The following AKAP13 variants were observed in gnomAD, a reference collection of about 807,000 sequenced individuals.
The protein encoded by AKAP13 is A-kinase anchor protein 13.
A neutral mutation model predicts 264.5 loss-of-function variants in AKAP13; 80 were observed. The ratio of observed to expected loss-of-function variants is 0.30; its 90% CI spans 0.25 to 0.36. The LOEUF is 0.36. Among genes scored for constraint, AKAP13 ranks in the 10% least tolerant of loss-of-function variants. The pLI is 1.00. For synonymous variants in AKAP13, 1,380 were observed against 1,250.2 expected, an observed-to-expected ratio of 1.10 and a Z score of -2.19; for missense variants, 3,712 against 3,435.2, an observed-to-expected ratio of 1.08 and a Z score of -2.01.
intron 1 of AKAP13, among the ~76,000 whole-genome samples, chr15:85,388,635 C>T (rs1325001666): frequency 1.3e-5 from 2 of 151,986 alleles, no homozygotes; most frequent in African/African-American, 2.4e-5. Context: ...GTTTTTTCTT[C>T]TTTAGTCTGG....
intron 8 of AKAP13, chr15:85,621,162 A>AT (rs1005458591): frequency 6.6e-6 from 1 of 152,042 alleles, no homozygotes; most frequent in African/African-American, 2.4e-5. Context: ...GGTCTTTTCG[A>AT]TTTTTTTCTT....
intron 10 of AKAP13, 83 bp downstream of exon 10, chr15:85,646,037 T>C: frequency 3.3e-6 from 5 of 1,536,998 alleles, no homozygotes; most frequent in Non-Finnish European, 4.4e-6. Context: ...TCCAACTTTT[T>C]CCCCCTCTTG....
intron 1 of AKAP13, among the ~76,000 whole-genome samples, chr15:85,437,065 A>G (rs2073340929): frequency 6.8e-6 from 1 of 147,064 alleles, no homozygotes; most frequent in South Asian, 2.3e-4. Flanking sequence ...AAATTGATAG[A>G]CCACTAGCAA....
Position 85,580,587 on chromosome 15 carries a change from T to C in AKAP13, c.2519T>C (p.Leu840Pro). The change falls in exon 7 of 37, where the codon CTA (leucine) becomes CCA (proline). Residue 840 changes from leucine (L) to proline (P), a missense_variant. Transcript: ENST00000394518. Reference protein sequence around the residue: ...GNSNEPDTRPLEDRAVGLSTS... With the variant: ...GNSNEPDTRPPEDRAVGLSTS... ...TCGAATGAGCCTGATACGCGGCCAC[T>C]AGAAGACAGGGCAGTAGGCCTGTCC... The C allele has an allele frequency of 6.2e-7, 1 of 1,614,202 alleles. No homozygotes were observed. Among genetic ancestry groups the C allele is most frequent in the Non-Finnish European group, 8.5e-7 (1 of 1,180,032 alleles).
chr15:85,655,404 C>T lies in AKAP13; in HGVS notation c.4375-13C>T. ...TGCTGGCTTCAACCATATGTGCTTT[C>T]TCTCCATTACAGCCAGAGGAAGAGC... On this transcript the variant is annotated splice_polypyrimidine_tract_variant and intron_variant, in intron 10 of 36. Coordinates refer to ENST00000394518, the MANE Select transcript of AKAP13 (RefSeq NM_007200.5). The T allele has an allele frequency of 6.2e-7, 1 of 1,607,746 alleles. No individual in the cohort carries two copies. The highest frequency in any genetic ancestry group is 8.5e-7 in the Non-Finnish European group (1 of 1,175,590).
intron 1 of AKAP13, chr15:85,415,496 A>C (rs1313084494): frequency 1.3e-6 from 2 of 1,551,670 alleles, no homozygotes; most frequent in East Asian, 2.2e-5. Flanking sequence ...GCAACTTTAC[A>C]GATGGTGCAT....
At chr15:85,392,606 G>A (rs1049262477) in intron 1 of AKAP13, among the ~76,000 whole-genome samples, 7 of 152,014 alleles carry the variant, frequency 4.6e-5, no homozygotes, top group Admixed American at 1.3e-4. Context: ...AGGTTTTGCC[G>A]TGTTGCCTAG....
intron 5 of AKAP13, among the ~76,000 whole-genome samples, chr15:85,569,905 G>A (rs561658223): frequency 1.0e-3 from 154 of 151,688 alleles, no homozygotes; most frequent in African/African-American, 3.6e-3. Context: ...GTGAAACCCC[G>A]TTGCTACTAA....
chr15:85,428,386 G>A (rs1334314205), intron 1 of AKAP13, among the ~76,000 whole-genome samples: 2 of 152,122 alleles, frequency 1.3e-5, no homozygotes, highest in Non-Finnish European at 2.9e-5. Context: ...TTTAATAGAG[G>A]TGGGGTTTCT....
At chr15:85,669,641 G>T in intron 13 of AKAP13, 81 bp from the exon 14 acceptor site, 1 of 1,033,378 alleles carries the variant, frequency 9.7e-7, no homozygotes. Context: ...TACTATGTGG[G>T]TCTAATTATA....
intron 1 of AKAP13, among the ~76,000 whole-genome samples, chr15:85,431,252 C>T (rs1214504662): frequency 6.6e-6 from 1 of 152,164 alleles, no homozygotes; most frequent in East Asian, 1.9e-4. Flanking sequence ...CAAGGTGTAT[C>T]AGGAAAATCT....
intron 5 of AKAP13, among the ~76,000 whole-genome samples, chr15:85,546,673 G>T (rs951108690): frequency 1.3e-5 from 2 of 151,782 alleles, no homozygotes; most frequent in African/African-American, 2.4e-5. Context: ...AGCATTTGTT[G>T]GTGAGATTCA....
intron 3 of AKAP13, among the ~76,000 whole-genome samples, chr15:85,523,570 A>G (rs2076909621): frequency 6.6e-6 from 1 of 152,014 alleles, no homozygotes; most frequent in Non-Finnish European, 1.5e-5. Context: ...CTTCTCACAT[A>G]TATTTTACTT....
At chr15:85,734,754 A>C (rs1012164085) in intron 30 of AKAP13, among the ~76,000 whole-genome samples, 3 of 152,172 alleles carry the variant, frequency 2.0e-5, no homozygotes, top group Non-Finnish European at 4.4e-5. Flanking sequence ...TTCCCTGTAC[A>C]CTTTCAAATT....
chr15:85,639,316 G>T, intron 8 of AKAP13, 58 bp from the exon 9 acceptor site: 1 of 1,277,858 alleles, frequency 7.8e-7, no homozygotes, highest in Non-Finnish European at 1.1e-6. Flanking sequence ...TTTGGCACCT[G>T]TAAAATTATC....
intron 1 of AKAP13, among the ~76,000 whole-genome samples, chr15:85,416,018 G>A (rs1194402721): frequency 6.6e-6 from 1 of 152,180 alleles, no homozygotes; most frequent in Non-Finnish European, 1.5e-5. Context: ...TATGGTAAAT[G>A]TCAATGGGAA....
chr15:85,386,162 C>A (rs571079677), intron 1 of AKAP13, among the ~76,000 whole-genome samples: 1 of 151,932 alleles, frequency 6.6e-6, no homozygotes, highest in Non-Finnish European at 1.5e-5. Flanking sequence ...AGCAGAAGTT[C>A]TTAATTTTTA....
Position 85,620,160 on chromosome 15 carries a change from G to A in AKAP13, c.4162-19214G>A, listed in dbSNP as rs147581143. 18 of 1,536,064 alleles carry A rather than the reference G, an allele frequency of 1.2e-5. No individual in the cohort carries two copies. The African/African-American group carries it at 2.5e-4, about 21-fold the overall frequency. ...CCAAGGTGGACAGGACTGTGGACGT[G>A]GTATTGCTGAAGGTAAGGGGGGCTG... On this transcript the variant is annotated intron_variant, in intron 8 of 36. Transcript: ENST00000394518.
chr15:85,459,086 T>C (rs1227541349), intron 1 of AKAP13, among the ~76,000 whole-genome samples: 3 of 152,264 alleles, frequency 2.0e-5, no homozygotes, highest in Non-Finnish European at 4.4e-5. Flanking sequence ...TATATCCATC[T>C]TTCTGGTGCT....
Sources: gnomAD v4.1 joint callset for allele counts (sites outside exome capture counted in the v4.1 genomes callset) on GRCh38, gnomAD v4.1.1 for gene constraint, MANE v1.5 for transcripts, NCBI Gene and HGNC (gene_info 2026-07-23, HGNC 2026-07-21) for gene names.